The following CARMIL1 variants were observed in gnomAD, a reference collection of about 807,000 sequenced individuals.
CARMIL1 encodes the protein capping protein regulator and myosin 1 linker 1.
Under a neutral mutation model 177.1 loss-of-function variants are expected in CARMIL1, and 90 were observed. That is an observed-to-expected ratio of 0.51 (90% confidence interval 0.43 to 0.61). The LOEUF is 0.61. Among genes scored for constraint, CARMIL1 ranks in the 20% least tolerant of loss-of-function variants. CARMIL1 has a pLI of 0.00. For synonymous variants in CARMIL1, 577 were observed against 606.2 expected (o/e 0.95, Z 0.71); for missense variants, 1,380 against 1,667.0 (o/e 0.83, Z 3.00).
At chr6:25,593,088 A>G (rs1814475497) in intron 31 of CARMIL1, among the ~76,000 whole-genome samples, 1 of 152,168 alleles carries the variant, frequency 6.6e-6, no homozygotes, top group Non-Finnish European at 1.5e-5. Flanking sequence ...CAAACACTCA[A>G]GAAGATAAGA....
At chr6:25,355,373 TG>T (rs1446912295) in intron 2 of CARMIL1, among the ~76,000 whole-genome samples, 2 of 152,158 alleles carry the variant, frequency 1.3e-5, no homozygotes, top group Non-Finnish European at 2.9e-5. Flanking sequence ...TAAGGACAGG[TG>T]GCTCATGTCT....
At chr6:25,454,352 A>T (rs956466095) in intron 8 of CARMIL1, among the ~76,000 whole-genome samples, 1 of 152,214 alleles carries the variant, frequency 6.6e-6, no homozygotes, top group Admixed American at 6.5e-5. Flanking sequence ...GCTTGAAAGC[A>T]GACCTAGACA....
At chr6:25,325,137 C>T (rs1784969092) in intron 2 of CARMIL1, among the ~76,000 whole-genome samples, 1 of 152,156 alleles carries the variant, frequency 6.6e-6, no homozygotes, top group Non-Finnish European at 1.5e-5. Flanking sequence ...AGGATTCTTG[C>T]TTAGACCTCA....
chr6:25,550,384 A>G (rs1417675462), intron 26 of CARMIL1, among the ~76,000 whole-genome samples: 1 of 152,166 alleles, frequency 6.6e-6, no homozygotes, highest in Non-Finnish European at 1.5e-5. Flanking sequence ...TTTTCTTTTA[A>G]AAGAGTAAAA....
Position 25,426,526 on chromosome 6 carries a change from A to T in CARMIL1, c.215A>T (p.Glu72Val). The T allele has an allele frequency of 6.2e-7, 1 of 1,611,490 alleles. No individual in the cohort carries two copies. The change falls in exon 4 of 37, where the codon GAG becomes GTG. Residue 72 changes from glutamate (E) to valine (V), a missense_variant. Glu to Val is a moderately radical substitution (Grantham distance 121). Coordinates refer to ENST00000329474, the MANE Select transcript of CARMIL1 (RefSeq NM_017640.6). ...CTCGAGTTAACCTTCAGCTACTTGGAGATTCATGGCGTCGTTTGCAGCAAG... is the reference window on the plus strand; with the variant it reads ...CTCGAGTTAACCTTCAGCTACTTGGTGATTCATGGCGTCGTTTGCAGCAAG... The part of the protein sequence containing the change: ...TKLELTFSYL[E>V]IHGVVCSKSA...
chr6:25,283,480 G>T (rs558583605), intron 1 of CARMIL1, among the ~76,000 whole-genome samples: 5 of 152,284 alleles, frequency 3.3e-5, no homozygotes, highest in African/African-American at 1.2e-4. Context: ...GCATTTTCCA[G>T]CAACATTAGT....
At chr6:25,613,732 G>A (rs1396287495) in intron 36 of CARMIL1, among the ~76,000 whole-genome samples, 1 of 152,174 alleles carries the variant, frequency 6.6e-6, no homozygotes, top group Non-Finnish European at 1.5e-5. Context: ...CTTAGTATCT[G>A]TAAGGAATAT....
chr6:25,472,716 T>G (rs1801198287), intron 11 of CARMIL1, 195 bp downstream of exon 11: 2 of 549,954 alleles, frequency 3.6e-6, no homozygotes, highest in South Asian at 5.3e-5. Flanking sequence ...CTTCACCTTT[T>G]TTGAAGTGAA....
chr6:25,438,522 C>A (rs925740429), intron 5 of CARMIL1, among the ~76,000 whole-genome samples: 1 of 152,188 alleles, frequency 6.6e-6, no homozygotes, highest in Non-Finnish European at 1.5e-5. Context: ...CTTCAACAGA[C>A]CTAGGGGAAG....
At chr6:25,311,190 A>T (rs551535137) in intron 2 of CARMIL1, among the ~76,000 whole-genome samples, 36 of 152,334 alleles carry the variant, frequency 2.4e-4, no homozygotes, top group African/African-American at 7.5e-4. Flanking sequence ...CTCAAAACAA[A>T]ACAAAACACA....
chr6:25,588,434 T>C (rs9467534), intron 31 of CARMIL1, among the ~76,000 whole-genome samples: 159 of 152,324 alleles, frequency 1.0e-3, no homozygotes, highest in African/African-American at 3.6e-3. Context: ...TCAAGTCATA[T>C]GCATTCAGCT....
intron 2 of CARMIL1, among the ~76,000 whole-genome samples, chr6:25,315,683 A>T (rs1384424893): frequency 6.6e-6 from 1 of 152,272 alleles, no homozygotes; most frequent in Non-Finnish European, 1.5e-5. Flanking sequence ...GTTGTCATAT[A>T]AATGAAGGAA....
At chr6:25,512,010 T>G (rs7751062) in intron 20 of CARMIL1, among the ~76,000 whole-genome samples, 65,927 of 151,576 alleles carry the variant, frequency 0.43, 14,664 homozygotes, top group Middle Eastern at 0.52. Context: ...TTATGCTGTT[T>G]GCTTTACGTA....
rs1780895242 is a variant in CARMIL1 at position 25,279,501 on chromosome 6, C to T, written c.-295C>T. 1 of 492,966 alleles carries T rather than the reference C, an allele frequency of 2.0e-6. No homozygotes were observed. The highest frequency in any genetic ancestry group is 3.7e-6 in the Non-Finnish European group (1 of 271,962). The allele number at this position is 492,966 out of a possible 1,614,324, so 30.5% of individuals were successfully genotyped here. On this transcript the variant is annotated 5_prime_UTR_variant, in exon 1 of 37. Transcript: ENST00000329474. ...GGAGGAGGAGCAGGCGCCACAGCCGCCCCGCGCCCCGCGCCCGCTTGTAAT... is the reference window on the plus strand; with the variant it reads ...GGAGGAGGAGCAGGCGCCACAGCCGTCCCGCGCCCCGCGCCCGCTTGTAAT...
chr6:25,359,168 GA>G (rs1253248844), intron 2 of CARMIL1, among the ~76,000 whole-genome samples: 2 of 152,186 alleles, frequency 1.3e-5, no homozygotes, highest in African/African-American at 4.8e-5. Context: ...AGAAGTCTGT[GA>G]ATGCCATTAT....
intron 2 of CARMIL1, among the ~76,000 whole-genome samples, chr6:25,304,770 C>G (rs541728634): frequency 9.2e-5 from 14 of 152,278 alleles, no homozygotes; most frequent in Admixed American, 6.5e-4. Context: ...TTACAATGTT[C>G]CCTGCTCATA....
Position 25,488,561 on chromosome 6 carries a change from C to A in CARMIL1, c.1041C>A (p.Asn347Lys), listed in dbSNP as rs768561312. ...TTGTCCACCTCGACCTCTCAGGGAA[C>A]GTCCTTCGTGGAGATGACCTCTCAG... is the stretch of plus-strand genomic sequence containing the variant. ...STLVHLDLSG[N>K]VLRGDDLSHM... The change falls in exon 13 of 37, where the codon AAC becomes AAA. Residue 347 changes from asparagine (N) to lysine (K), a missense_variant. Coordinates refer to ENST00000329474, the MANE Select transcript of CARMIL1 (RefSeq NM_017640.6). The A allele has an allele frequency of 6.2e-7, 1 of 1,613,776 alleles. No individual in the cohort carries two copies. Among genetic ancestry groups the A allele is most frequent in the African/African-American group, 1.3e-5 (1 of 74,914 alleles).
intron 29 of CARMIL1, among the ~76,000 whole-genome samples, chr6:25,565,002 T>C (rs1052701320): frequency 6.6e-6 from 1 of 152,146 alleles, no homozygotes; most frequent in Non-Finnish European, 1.5e-5. Flanking sequence ...TGGCACATAC[T>C]AGGCCCTCAG....
intron 2 of CARMIL1, among the ~76,000 whole-genome samples, chr6:25,413,406 T>C (rs1795091408): frequency 6.6e-6 from 1 of 152,234 alleles, no homozygotes; most frequent in Non-Finnish European, 1.5e-5. Flanking sequence ...TTGCCTGTGC[T>C]GCAGTAGGCT....
Sources: gnomAD v4.1 joint callset for allele counts (sites outside exome capture counted in the v4.1 genomes callset) on GRCh38, gnomAD v4.1.1 for gene constraint, MANE v1.5 for transcripts, NCBI Gene and HGNC (gene_info 2026-07-23, HGNC 2026-07-21) for gene names.